NLRP11: variants seen among roughly 807,000 people sequenced by gnomAD.
The protein encoded by NLRP11 is NLR family pyrin domain containing 11, also known as NACHT, LRR and PYD domains-containing protein 11.
In NLRP11, 53 loss-of-function variants were observed where a neutral mutation model predicts 79.3. The observed-to-expected ratio is 0.67, with a 90% CI of 0.54 to 0.84. NLRP11 has a LOEUF of 0.84. Ranked by LOEUF, NLRP11 falls within the 40% of genes least tolerant of loss-of-function variation. NLRP11 has a pLI of 0.00. For synonymous variants in NLRP11, 518 were observed against 462.6 expected, an observed-to-expected ratio of 1.12 and a Z score of -1.54; for missense variants, 1,264 against 1,255.0, an observed-to-expected ratio of 1.01 and a Z score of -0.11.
intron 5 of NLRP11, 148 bp downstream of exon 5, chr19:55,801,424 A>G: frequency 1.6e-6 from 1 of 624,170 alleles, no homozygotes; most frequent in Non-Finnish European, 2.8e-6. Flanking sequence ...AATGTTGGTG[A>G]AAGAAACAAA....
chr19:55,817,562 A>G (rs1375068720), intron 2 of NLRP11, among the ~76,000 whole-genome samples: 1 of 152,192 alleles, frequency 6.6e-6, no homozygotes, highest in Admixed American at 6.5e-5. Flanking sequence ...TTCTAAGTGA[A>G]GTAACTCGGG....
chr19:55,819,156 C>G (rs1008884902), intron 1 of NLRP11, among the ~76,000 whole-genome samples: 69 of 148,486 alleles, frequency 4.6e-4, no homozygotes, highest in African/African-American at 1.5e-3. Context: ...CACACACACA[C>G]ACACACACAC....
At chr19:55,803,668 A>C (rs941499005) in intron 4 of NLRP11, among the ~76,000 whole-genome samples, 3 of 152,222 alleles carry the variant, frequency 2.0e-5, no homozygotes, top group Non-Finnish European at 4.4e-5. Flanking sequence ...TCAGAAGGTG[A>C]CATACATGCA....
intron 2 of NLRP11, among the ~76,000 whole-genome samples, chr19:55,812,261 T>C (rs1006376365): frequency 6.6e-6 from 1 of 152,190 alleles, no homozygotes; most frequent in African/African-American, 2.4e-5. Context: ...GGATGCTCTG[T>C]AACTTAAAAT....
intron 9 of NLRP11, among the ~76,000 whole-genome samples, chr19:55,787,028 G>A (rs1375702614): frequency 6.6e-6 from 1 of 152,170 alleles, no homozygotes; most frequent in Non-Finnish European, 1.5e-5. Flanking sequence ...TAAGAGTTCT[G>A]AGATAATTAT....
At chr19:55,815,376 A>G (rs562770679) in intron 2 of NLRP11, among the ~76,000 whole-genome samples, 48 of 152,106 alleles carry the variant, frequency 3.2e-4, no homozygotes, top group African/African-American at 1.1e-3. Flanking sequence ...TAAAAACACA[A>G]AAATGAGCCG....
At chr19:55,818,143 A>G (rs747115801) in exon 2 of NLRP11, 2 of 1,614,002 alleles carry the variant, frequency 1.2e-6, no homozygotes, top group South Asian at 2.2e-5. Flanking sequence ...ATACCACAGC[A>G]GGTCAAAGTC....
intron 6 of NLRP11, among the ~76,000 whole-genome samples, chr19:55,794,621 G>A (rs924111476): frequency 2.0e-5 from 3 of 152,096 alleles, no homozygotes; most frequent in African/African-American, 4.8e-5. Flanking sequence ...TTAGCCAGGC[G>A]TGGTGGCGGG....
At chr19:55,790,252 T>G (rs1990155619) in intron 7 of NLRP11, among the ~76,000 whole-genome samples, 1 of 152,228 alleles carries the variant, frequency 6.6e-6, no homozygotes, top group African/African-American at 2.4e-5. Flanking sequence ...ATACAGGAGT[T>G]GACGGCCTTT....
At chr19:55,830,181 A>ATGTT (rs1982611316) in intron 1 of NLRP11, among the ~76,000 whole-genome samples, 1 of 152,122 alleles carries the variant, frequency 6.6e-6, no homozygotes. Flanking sequence ...TTTCCCCCCT[A>ATGTT]AGTGAACACA....
intron 5 of NLRP11, among the ~76,000 whole-genome samples, chr19:55,800,403 G>T (rs921585783): frequency 1.3e-5 from 2 of 152,154 alleles, no homozygotes; most frequent in Admixed American, 1.3e-4. Flanking sequence ...TGCCTCCTGG[G>T]TTCAAGCGAT....
At chr19:55,805,144 C>T (rs1979865512) in intron 4 of NLRP11, among the ~76,000 whole-genome samples, 1 of 152,218 alleles carries the variant, frequency 6.6e-6, no homozygotes, top group Middle Eastern at 3.4e-3. Flanking sequence ...CGGCCCTCAC[C>T]CCCAACCCCG....
chr19:55,787,129 T>C (rs1405680068), intron 9 of NLRP11, among the ~76,000 whole-genome samples: 1 of 152,232 alleles, frequency 6.6e-6, no homozygotes, highest in East Asian at 1.9e-4. Context: ...ATGCTTATAC[T>C]TAGTCTCTAA....
intron 2 of NLRP11, among the ~76,000 whole-genome samples, chr19:55,811,681 TA>T (rs5828647): frequency 6.6e-6 from 1 of 151,912 alleles, no homozygotes; most frequent in Admixed American, 6.6e-5. Flanking sequence ...TAGTATACAA[TA>T]AAAAAATTGA....
chr19:55,796,677 C>T (rs1978917633), intron 5 of NLRP11, among the ~76,000 whole-genome samples: 1 of 148,484 alleles, frequency 6.7e-6, no homozygotes, highest in Non-Finnish European at 1.5e-5. Context: ...CTCTGGCTCT[C>T]AACTATCTCT....
At chr19:55,785,453 G>A (rs943036865) in exon 10 of NLRP11, 1 of 615,376 alleles carries the variant, frequency 1.6e-6, no homozygotes, top group South Asian at 2.1e-5. Flanking sequence ...TAATACTCTT[G>A]AGACAGTGTA....
intron 1 of NLRP11, among the ~76,000 whole-genome samples, 198 bp from the exon 2 acceptor site, chr19:55,818,434 A>G (rs895559601): frequency 6.6e-6 from 1 of 152,180 alleles, no homozygotes; most frequent in Admixed American, 6.5e-5. Flanking sequence ...GTTAAGGTGG[A>G]ACATCAGTTG....
chr19:55,831,094 C>T lies in NLRP11; in HGVS notation c.-63+869G>A, dbSNP rs1392158777. Among the ~76,000 whole-genome samples, 4 of 20,834 alleles carry T rather than the reference C, an allele frequency of 1.9e-4. 2 individuals are homozygous for T. The highest frequency in any genetic ancestry group is 5.2e-4 in the African/African-American group (2 of 3,826). The allele number at this position is 20,834 out of a possible 152,430, so 13.7% of individuals were successfully genotyped here. On this transcript the variant is annotated intron_variant, in intron 1 of 9. Coordinates refer to ENST00000589093, the Ensembl canonical transcript of NLRP11. Reference sequence around the variant, plus strand: ...CTAAAAATAACATGTTAAGACCCACCGCCCCACCCCCCCCATCCCCCCCAC... The same window carrying T: ...CTAAAAATAACATGTTAAGACCCACTGCCCCACCCCCCCCATCCCCCCCAC...
At chr19:55,832,786 CAAAAATCTCAT>C (rs1982915700), upstream of NLRP11, 1 of 151,988 alleles carries the variant, frequency 6.6e-6, no homozygotes, top group Non-Finnish European at 1.5e-5. Flanking sequence ...CAAGAGCAAA[CAAAAATCTCAT>C]AATGGACGGG....
Sources: gnomAD v4.1 joint callset for allele counts (sites outside exome capture counted in the v4.1 genomes callset) on GRCh38, gnomAD v4.1.1 for gene constraint, MANE v1.5 for transcripts, NCBI Gene and HGNC (gene_info 2026-07-23, HGNC 2026-07-21) for gene names.